Variants in ATP2C2 observed in about 807,000 individuals in gnomAD.
The protein encoded by ATP2C2 is calcium-transporting ATPase type 2C member 2.
ATP2C2 carries 171 observed loss-of-function variants against 110.8 expected under a neutral mutation model. The ratio of observed to expected loss-of-function variants is 1.54; its 90% CI spans 1.36 to 1.75. The LOEUF is 1.75. Among genes scored for constraint, ATP2C2 ranks in the 40% most tolerant of loss-of-function variants. ATP2C2 has a pLI of 0.00. For missense variants in ATP2C2, 1,963 were observed against 1,235.0 expected (o/e 1.59, Z -8.84); for synonymous variants, 804 against 508.4 (o/e 1.58, Z -7.82).
chr16:84,454,652 G>A (rs1251389608), intron 20 of ATP2C2, among the ~76,000 whole-genome samples, 166 bp from the exon 21 acceptor site: 1 of 152,176 alleles, frequency 6.6e-6, no homozygotes, highest in Non-Finnish European at 1.5e-5. Flanking sequence ...AGGTCAAGAG[G>A]GTCAAGGGCT....
chr16:84,448,503 A>G, intron 16 of ATP2C2, 30 bp from the exon 17 acceptor site: 1 of 1,591,362 alleles, frequency 6.3e-7, no homozygotes, highest in Non-Finnish European at 8.6e-7. Context: ...TTCCAGTGAT[A>G]GTGGATTTCT....
chr16:84,463,644 C>G lies in ATP2C2; in HGVS notation c.2753C>G (p.Ser918Cys). Reference sequence around the variant, plus strand: ...CTGTTTTTAACTGGATTGGCCTCATCCGTCTTCATTTTGTCAGAGCTCCTC... The same window carrying G: ...CTGTTTTTAACTGGATTGGCCTCATGCGTCTTCATTTTGTCAGAGCTCCTC... ...DLLFLTGLASSVFILSELLKL... is the reference protein window; with the variant it reads ...DLLFLTGLASCVFILSELLKL... The change falls in exon 27 of 27, where the codon TCC becomes TGC. Residue 918 changes from serine to cysteine, a missense_variant. Coordinates refer to ENST00000262429, the MANE Select transcript of ATP2C2 (RefSeq NM_014861.4). 1.9e-6 allele frequency: 3 copies of G among 1,614,210 alleles called. No homozygotes were observed. Among genetic ancestry groups the G allele is most frequent in the Non-Finnish European group, 2.5e-6 (3 of 1,180,030 alleles).
chr16:84,461,770 T>A lies in ATP2C2; in HGVS notation c.2538T>A (p.Phe846Leu), dbSNP rs1192243652. The stretch of plus-strand genomic sequence containing the variant: ...CCACGACGATGACGTTCACTTGTTT[T>A]GTGTTTTTCGATCTCTTCAACGCCT... ...PRTTTMTFTCFVFFDLFNALT... is the reference protein window; with the variant it reads ...PRTTTMTFTCLVFFDLFNALT... The change falls in exon 25 of 27, where the codon TTT becomes TTA. Residue 846 changes from phenylalanine to leucine, a missense_variant. Transcript: ENST00000262429. 2 of 1,614,138 alleles carry A rather than the reference T, an allele frequency of 1.2e-6. No homozygotes were observed. The highest frequency in any genetic ancestry group is 1.7e-6 in the Non-Finnish European group (2 of 1,179,970).
At chr16:84,411,133 A>G (rs1401379614) in intron 6 of ATP2C2, among the ~76,000 whole-genome samples, 2 of 152,124 alleles carry the variant, frequency 1.3e-5, no homozygotes, top group Admixed American at 6.5e-5. Flanking sequence ...TTCTCAATGA[A>G]TGGTCTCAGG....
chr16:84,462,020 GA>G lies in ATP2C2; in HGVS notation c.2615del (p.Asn872ThrfsTer41), dbSNP rs1291526941. ...TGATATTTGAGATCGGCTTTCTCAGGAACCACATGTTCCTCTACTCCGTCCT... is the reference window on the plus strand; with the variant it reads ...TGATATTTGAGATCGGCTTTCTCAGGACCACATGTTCCTCTACTCCGTCCT... ...KLIFEIGFLR[N>X]HMFLYSVLGS... On this transcript the variant is annotated frameshift_variant, in exon 26 of 27. Coordinates refer to ENST00000262429, the MANE Select transcript of ATP2C2 (RefSeq NM_014861.4). LOFTEE classifies it high-confidence loss of function. 1.2e-6 allele frequency: 2 copies of G among 1,613,970 alleles called. No homozygotes were observed. The highest frequency in any genetic ancestry group is 1.7e-6 in the Non-Finnish European group (2 of 1,179,888).
At chr16:84,449,325 C>T (rs899104822) in intron 17 of ATP2C2, among the ~76,000 whole-genome samples, 1 of 152,228 alleles carries the variant, frequency 6.6e-6, no homozygotes, top group Admixed American at 6.5e-5. Flanking sequence ...GGGCGAGACC[C>T]TTGCGGCTTT....
At chr16:84,462,170 G>C in intron 26 of ATP2C2, 41 bp downstream of exon 26, 1 of 1,584,842 alleles carries the variant, frequency 6.3e-7, no homozygotes, top group Non-Finnish European at 8.6e-7. Context: ...CCTCGACCAG[G>C]GCCATGGGGG....
chr16:84,410,399 A>T (rs558538514), intron 4 of ATP2C2, among the ~76,000 whole-genome samples, 169 bp from the exon 5 acceptor site: 8 of 152,188 alleles, frequency 5.3e-5, no homozygotes, highest in South Asian at 2.1e-4. Flanking sequence ...GATAGTGTCA[A>T]TTTTTTCCTG....
At chr16:84,433,820 T>C (rs1908503206) in intron 11 of ATP2C2, among the ~76,000 whole-genome samples, 2 of 152,110 alleles carry the variant, frequency 1.3e-5, no homozygotes, top group Non-Finnish European at 2.9e-5. Context: ...GCTTCTGTGC[T>C]CAAGCCCCAA....
chr16:84,448,571 A>C lies in ATP2C2; in HGVS notation c.1542A>C (p.Glu514Asp). ...TTTACTTCATGAAAGGGGCCTTGGA[A>C]GAGGTGATCCGCTACTGCACCATGT... ...EDIYFMKGAL[E>D]EVIRYCTMYN... The change falls in exon 17 of 27, where the codon GAA becomes GAC. Residue 514 changes from glutamate (E) to aspartate (D), a missense_variant. Coordinates refer to ENST00000262429, the MANE Select transcript of ATP2C2 (RefSeq NM_014861.4). The C allele has an allele frequency of 6.2e-7, 1 of 1,613,540 alleles. No individual in the cohort carries two copies. Among genetic ancestry groups the C allele is most frequent in the Non-Finnish European group, 8.5e-7 (1 of 1,179,670 alleles).
chr16:84,461,171 G>A (rs1911294645), intron 24 of ATP2C2: 2 of 262,168 alleles, frequency 7.6e-6, no homozygotes, highest in South Asian at 1.4e-4. Flanking sequence ...TGTTTGCTTT[G>A]GATCTAGGCC....
intron 6 of ATP2C2, among the ~76,000 whole-genome samples, chr16:84,412,842 T>C (rs1906498037): frequency 6.6e-6 from 1 of 152,064 alleles, no homozygotes; most frequent in South Asian, 2.1e-4. Context: ...ACACCTGTAA[T>C]CCCAGCACTT....
chr16:84,451,596 G>C (rs1461729804), intron 17 of ATP2C2, among the ~76,000 whole-genome samples: 5 of 152,198 alleles, frequency 3.3e-5, no homozygotes, highest in South Asian at 2.1e-4. Context: ...CCAGCACTTG[G>C]GGAGGCTGAG....
At position 84,461,736 on chromosome 16, in the gene ATP2C2, C is replaced by T; in HGVS notation, c.2504C>T (p.Thr835Ile). The T allele has an allele frequency of 6.2e-7, 1 of 1,614,198 alleles. No individual in the cohort carries two copies. The highest frequency in any genetic ancestry group is 8.5e-7 in the Non-Finnish European group (1 of 1,180,020). ...CAGATGCCTGAAGACAGAGCAAGCACTCCCCGCACCACGACGATGACGTTC... is the reference window on the plus strand; with the variant it reads ...CAGATGCCTGAAGACAGAGCAAGCATTCCCCGCACCACGACGATGACGTTC... ...WKEMPEDRASTPRTTTMTFTC... is the reference protein window; with the variant it reads ...WKEMPEDRASIPRTTTMTFTC... Residue 835 changes from threonine to isoleucine, a missense_variant, in exon 25 of 27, where the codon ACT becomes ATT. Thr to Ile is a moderately conservative substitution (Grantham distance 89, BLOSUM62 -1). Transcript: ENST00000262429.
intron 6 of ATP2C2, 69 bp from the exon 7 acceptor site, chr16:84,415,414 A>G (rs1039400822): frequency 7.9e-7 from 1 of 1,265,900 alleles, no homozygotes; most frequent in South Asian, 1.2e-5. Flanking sequence ...CTCCTTGTTC[A>G]AATGTATCAA....
chr16:84,441,434 A>T (rs1909243615), intron 14 of ATP2C2, among the ~76,000 whole-genome samples: 1 of 152,100 alleles, frequency 6.6e-6, no homozygotes, highest in South Asian at 2.1e-4. Flanking sequence ...TGAGCCTGTG[A>T]TGATGTTCCC....
At position 84,423,170 on chromosome 16, in the gene ATP2C2, T is replaced by C. The variant is rs754769417; in HGVS notation, c.844-18T>C. On this transcript the variant is annotated intron_variant, in intron 9 of 26. Coordinates refer to ENST00000262429, the MANE Select transcript of ATP2C2 (RefSeq NM_014861.4). The stretch of plus-strand genomic sequence containing the variant: ...GCTAGGATCTTGTCCAACTAACCCA[T>C]TGTGCTCACCCTTTCAGACACCTAA... The C allele has an allele frequency of 6.2e-7, 1 of 1,610,992 alleles. No homozygotes were observed. Among genetic ancestry groups the C allele is most frequent in the East Asian group, 2.2e-5 (1 of 44,864 alleles).
chr16:84,372,366 C>T (rs938638633), intron 1 of ATP2C2, among the ~76,000 whole-genome samples: 1 of 152,222 alleles, frequency 6.6e-6, no homozygotes, highest in Non-Finnish European at 1.5e-5. Context: ...CCCAAACTCA[C>T]AGATCATTAG....
At chr16:84,402,753 C>T (rs935392388) in intron 2 of ATP2C2, among the ~76,000 whole-genome samples, 1 of 152,100 alleles carries the variant, frequency 6.6e-6, no homozygotes. Context: ...CAGTAGTTTT[C>T]TTTTTTAAAT....
Sources: gnomAD v4.1 joint callset for allele counts (sites outside exome capture counted in the v4.1 genomes callset) on GRCh38, gnomAD v4.1.1 for gene constraint, MANE v1.5 for transcripts, NCBI Gene and HGNC (gene_info 2026-07-23, HGNC 2026-07-21) for gene names.